C11orf54: variants seen among roughly 807,000 people sequenced by gnomAD.
The protein encoded by C11orf54 is beta-keto-L-gulonate decarboxylase.
C11orf54 carries 29 observed loss-of-function variants against 35.5 expected under a neutral mutation model. That is an observed-to-expected ratio of 0.82 (90% CI 0.61 to 1.11). C11orf54 has a LOEUF of 1.11. Ranked by LOEUF, C11orf54 falls within the 50% of genes most tolerant of loss-of-function variation. The probability of loss-of-function intolerance (pLI) is 0.00; values close to 1 mark genes in which losing one functional copy is unlikely to be tolerated. For missense variants in C11orf54, 373 were observed against 369.2 expected (o/e 1.01, Z -0.08); for synonymous variants, 108 against 121.1 (o/e 0.89, Z 0.71).
chr11:93,751,820 CT>C (rs35146074), intron 3 of C11orf54, among the ~76,000 whole-genome samples: 32,340 of 81,294 alleles, frequency 0.4, 4,534 homozygotes, highest in Admixed American at 0.52. Flanking sequence ...AATGGTTAAT[CT>C]TTTTTTTTTT....
intron 1 of C11orf54, chr11:93,742,287 A>ATT (rs60416724): frequency 0.017 from 2,435 of 146,112 alleles, 73 homozygotes; most frequent in African/African-American, 0.057. Context: ...TCCCAAAGTA[A>ATT]TTTTTTTTTT....
chr11:93,762,182 C>T lies in C11orf54; in HGVS notation c.*494C>T, dbSNP rs1943511176. 1 of 152,016 alleles carries T rather than the reference C, an allele frequency of 6.6e-6. No homozygotes were observed. Among genetic ancestry groups the T allele is most frequent in the African/African-American group, 2.4e-5 (1 of 41,482 alleles). 9.4% of individuals were successfully genotyped at this position (152,016 alleles called of 1,614,324 possible). A position where few individuals can be genotyped will look rare whatever the true frequency, so the allele number is the denominator to read the frequency against. On this transcript the variant is annotated 3_prime_UTR_variant, in exon 9 of 9. Coordinates refer to ENST00000354421, the MANE Select transcript of C11orf54 (RefSeq NM_001286069.2). ...ATTTCTACTATGTATTTAGTAGTAT[C>T]TTATATTTGTATAACATTATTACAT...
Position 93,748,322 on chromosome 11 carries a change from T to C in C11orf54, c.55+874T>C, listed in dbSNP as rs201664115. On this transcript the variant is annotated intron_variant, in intron 2 of 8. Transcript: ENST00000354421. ...TTAGGAATTTTTTCTTTTTCTTTTT[T>C]CTTTTTGTAGACATAGGATCTTGCT... 7.2e-5 allele frequency among the ~76,000 whole-genome samples: 11 copies of C among 152,278 alleles called. No homozygotes were observed. In the East Asian group the frequency reaches 1.5e-3, roughly 21 times the overall value.
chr11:93,757,185 TCTCAA>T, intron 6 of C11orf54, 126 bp from the exon 7 acceptor site: 1 of 944,778 alleles, frequency 1.1e-6, no homozygotes, highest in Non-Finnish European at 1.5e-6. Flanking sequence ...GATTGCAACA[TCTCAA>T]CTCAGATCTG....
chr11:93,749,514 A>AC (rs1324749197), intron 2 of C11orf54, among the ~76,000 whole-genome samples: 2 of 151,104 alleles, frequency 1.3e-5, no homozygotes, highest in East Asian at 2.0e-4. Context: ...CAAAAAAAAA[A>AC]AAAAAAAAAA....
chr11:93,750,199 T>C (rs546274429), intron 2 of C11orf54, 147 bp from the exon 3 acceptor site: 1 of 591,756 alleles, frequency 1.7e-6, no homozygotes, highest in Admixed American at 3.0e-5. Flanking sequence ...TAATGTCTAA[T>C]TATATTCATT....
In C11orf54 at chr11:93,754,052, G is replaced by A. The variant is rs1301506569; in HGVS notation, c.330+15G>A. On this transcript the variant is annotated intron_variant, in intron 5 of 8. Transcript: ENST00000354421. ...TCAATTCTGAGGTCAGCATATATAA[G>A]AAAATTATTTTACTTTATTGGTTTG... 6.3e-7 allele frequency: 1 copy of A among 1,596,548 alleles called. No individual in the cohort carries two copies. The highest frequency in any genetic ancestry group is 1.8e-5 in the Admixed American group (1 of 56,940).
chr11:93,754,046 A>T lies in C11orf54; in HGVS notation c.330+9A>T. ...TCGGGTTCAATTCTGAGGTCAGCAT[A>T]TATAAGAAAATTATTTTACTTTATT... On this transcript the variant is annotated intron_variant, in intron 5 of 8. Transcript: ENST00000354421. 1 of 1,600,388 alleles carries T rather than the reference A, an allele frequency of 6.2e-7. No individual in the cohort carries two copies. The highest frequency in any genetic ancestry group is 1.1e-5 in the South Asian group (1 of 88,860).
intron 5 of C11orf54, 39 bp downstream of exon 5, chr11:93,754,076 T>G (rs746536880): frequency 6.4e-6 from 10 of 1,556,730 alleles, no homozygotes; most frequent in Non-Finnish European, 7.9e-6. Context: ...TTTATTGGTT[T>G]GACATTTGGT....
chr11:93,759,226 A>G (rs1041330084), intron 7 of C11orf54, among the ~76,000 whole-genome samples: 1 of 152,232 alleles, frequency 6.6e-6, no homozygotes, highest in African/African-American at 2.4e-5. Flanking sequence ...TTATTGCAGC[A>G]CTATTCACAA....
At chr11:93,759,963 T>G (rs1943370772) in intron 8 of C11orf54, 105 bp downstream of exon 8, 1 of 702,988 alleles carries the variant, frequency 1.4e-6, no homozygotes, top group African/African-American at 1.8e-5. Flanking sequence ...GTTGTTGTTT[T>G]GAGACAGAGT....
At chr11:93,747,676 ATTC>A (rs1462784377) in intron 2 of C11orf54, among the ~76,000 whole-genome samples, 3 of 152,210 alleles carry the variant, frequency 2.0e-5, no homozygotes, top group Non-Finnish European at 4.4e-5. Context: ...TAATTTATAA[ATTC>A]TTTTTTCTTT....
At chr11:93,754,138 A>G in intron 5 of C11orf54, 101 bp downstream of exon 5, 1 of 974,984 alleles carries the variant, frequency 1.0e-6, no homozygotes, top group Non-Finnish European at 1.6e-6. Context: ...TGAATTGTAA[A>G]TCTCTCTGCA....
chr11:93,750,529 A>C, intron 3 of C11orf54, 85 bp downstream of exon 3: 2 of 1,053,712 alleles, frequency 1.9e-6, no homozygotes, highest in Non-Finnish European at 2.8e-6. Context: ...ATCTTAAATT[A>C]TCTACAAATA....
chr11:93,746,825 C>G (rs1942495169), intron 1 of C11orf54: 1 of 152,126 alleles, frequency 6.6e-6, no homozygotes. Context: ...TACAGAAATA[C>G]TTGAGATCCT....
At chr11:93,757,220 A>G in intron 6 of C11orf54, 96 bp from the exon 7 acceptor site, 1 of 1,348,310 alleles carries the variant, frequency 7.4e-7, no homozygotes, top group South Asian at 1.5e-5. Context: ...AGCAAAGAAC[A>G]GAATATTTGC....
chr11:93,757,869 T>C (rs909721110), intron 7 of C11orf54, among the ~76,000 whole-genome samples: 1 of 152,206 alleles, frequency 6.6e-6, no homozygotes, highest in Non-Finnish European at 1.5e-5. Flanking sequence ...AATTCTACAT[T>C]TGAAGACACT....
intron 2 of C11orf54, among the ~76,000 whole-genome samples, chr11:93,749,504 CAA>C (rs10624807): frequency 4.2e-5 from 3 of 71,740 alleles, no homozygotes; most frequent in Admixed American, 1.9e-4. Flanking sequence ...GACTCTGTCT[CAA>C]AAAAAAAAAA....
chr11:93,759,717 C>T (rs774206441), intron 7 of C11orf54, 25 bp from the exon 8 acceptor site: 7 of 1,275,362 alleles, frequency 5.5e-6, no homozygotes, highest in Non-Finnish European at 7.8e-6. Context: ...AGTATGTTTA[C>T]CTATGTAATT....
Sources: allele counts gnomAD v4.1 joint callset (sites outside exome capture counted in the v4.1 genomes callset), GRCh38; gene constraint gnomAD v4.1.1; transcripts MANE v1.5; gene names NCBI Gene and HGNC (gene_info 2026-07-23, HGNC 2026-07-21).